Variants in VDR observed in about 807,000 individuals in gnomAD.
The protein encoded by VDR is vitamin D3 receptor.
In VDR, 19 loss-of-function variants were observed where a neutral mutation model predicts 39.7. The ratio of observed to expected loss-of-function variants is 0.48; its 90% confidence interval spans 0.33 to 0.70. The LOEUF (loss-of-function observed/expected upper bound fraction) is 0.70. Among genes scored for constraint, VDR ranks in the 30% least tolerant of loss-of-function variants. The pLI, the probability that VDR is intolerant of heterozygous loss-of-function variation, is 0.02. For synonymous variants in VDR, 242 were observed against 215.8 expected, an observed-to-expected ratio of 1.12 and a Z score of -1.07; for missense variants, 442 against 570.5, an observed-to-expected ratio of 0.77 and a Z score of 2.29.
Position 47,842,621 on chromosome 12 carries a change from CTATTT to C in VDR, c.*2120_*2124del, listed in dbSNP as rs1945192357. ...TACAGGCTTGCGCCACCATGCCCGGCTATTTTTTTTTTTTTTTTTTTTGTATTTTT... is the reference window on the plus strand; with the variant it reads ...TACAGGCTTGCGCCACCATGCCCGGCTTTTTTTTTTTTTTTTTGTATTTTT... On this transcript the variant is annotated 3_prime_UTR_variant, in exon 10 of 10. Transcript: ENST00000549336. 1 of 71,280 alleles carries C rather than the reference CTATTT, an allele frequency of 1.4e-5. No homozygotes were observed. Among genetic ancestry groups the C allele is most frequent in the Non-Finnish European group, 2.8e-5 (1 of 36,142 alleles). 4.4% of individuals were successfully genotyped at this position (71,280 alleles called of 1,614,324 possible).
At chr12:47,849,935 C>T (rs1039600142) in intron 7 of VDR, among the ~76,000 whole-genome samples, 1 of 152,086 alleles carries the variant, frequency 6.6e-6, no homozygotes, top group African/African-American at 2.4e-5. Context: ...ACTGAAACCT[C>T]TGCCTCCCGG....
chr12:47,869,621 T>TG (rs1212626761), intron 3 of VDR, among the ~76,000 whole-genome samples: 1 of 148,308 alleles, frequency 6.7e-6, no homozygotes, highest in Non-Finnish European at 1.5e-5. Flanking sequence ...CTGGGTGCAG[T>TG]GGCGTGAGCA....
Position 47,855,677 on chromosome 12 carries a change from G to A in VDR, c.708C>T (p.Tyr236=). The change falls in exon 7 of 10, where the codon TAC becomes TAT. Residue 236 remains tyrosine, a synonymous_variant. Transcript: ENST00000549336. The part of the protein sequence containing the change: ...MLPHLADLVS[Y]SIQKVIGFAK... ...CAAAGCCAATGACCTTTTGGATGCTGTAACTGACCAGGTCAGCCAGGTGGG... is the reference window on the plus strand; with the variant it reads ...CAAAGCCAATGACCTTTTGGATGCTATAACTGACCAGGTCAGCCAGGTGGG... 6.2e-7 allele frequency: 1 copy of A among 1,614,212 alleles called. No homozygotes were observed.
rs972187899 is a variant in VDR at position 47,855,627 on chromosome 12, T to C, written c.755+3A>G. On this transcript the variant is annotated splice_donor_region_variant and intron_variant, in intron 7 of 9. Coordinates refer to ENST00000549336, the MANE Select transcript of VDR (RefSeq NM_000376.3). ...TTCCCCAGAGATTGCAGAAGTTTCT[T>C]ACCTGAATCCTGGTATCATCTTAGC... The C allele has an allele frequency of 6.2e-7, 1 of 1,614,174 alleles. No individual in the cohort carries two copies. The highest frequency in any genetic ancestry group is 8.5e-7 in the Non-Finnish European group (1 of 1,180,024).
At chr12:47,892,849 G>A (rs1946394978) in intron 1 of VDR, among the ~76,000 whole-genome samples, 1 of 152,232 alleles carries the variant, frequency 6.6e-6, no homozygotes, top group Non-Finnish European at 1.5e-5. Context: ...GAGAAGAGAA[G>A]GCTCTTTGGA....
chr12:47,880,600 G>A (rs1467854078), intron 2 of VDR, among the ~76,000 whole-genome samples: 1 of 152,106 alleles, frequency 6.6e-6, no homozygotes, highest in African/African-American at 2.4e-5. Flanking sequence ...GTCCCAAAGG[G>A]ACAGAGGGAA....
intron 3 of VDR, chr12:47,878,715 T>C: frequency 4.9e-6 from 3 of 614,018 alleles, no homozygotes; most frequent in Middle Eastern, 4.2e-4. Context: ...ACAGGCGTAA[T>C]GGAAAGACAG....
intron 3 of VDR, among the ~76,000 whole-genome samples, chr12:47,875,625 A>C (rs1181033987): frequency 6.6e-6 from 1 of 152,224 alleles, no homozygotes; most frequent in Non-Finnish European, 1.5e-5. Flanking sequence ...GAAGAAGAGG[A>C]GAAATGATGT....
chr12:47,848,981 T>C (rs568548605), intron 7 of VDR, among the ~76,000 whole-genome samples: 2 of 152,298 alleles, frequency 1.3e-5, no homozygotes, highest in African/African-American at 4.8e-5. Context: ...TCAATAGAGA[T>C]GCGTTGATGA....
chr12:47,853,446 TAAA>T (rs60854792), intron 7 of VDR, among the ~76,000 whole-genome samples: 13 of 112,606 alleles, frequency 1.2e-4, no homozygotes, highest in Admixed American at 2.9e-4. Flanking sequence ...CTGCCTCAAT[TAAA>T]AAAAAAAAAA....
intron 3 of VDR, among the ~76,000 whole-genome samples, chr12:47,876,995 G>A (rs1212772978): frequency 6.6e-6 from 1 of 152,246 alleles, no homozygotes; most frequent in Non-Finnish European, 1.5e-5. Context: ...GTTGCAGACT[G>A]ACAAGATATG....
intron 1 of VDR, among the ~76,000 whole-genome samples, chr12:47,892,171 C>T (rs566761600): frequency 4.6e-5 from 7 of 152,320 alleles, no homozygotes; most frequent in African/African-American, 1.7e-4. Flanking sequence ...GGAAGGATCC[C>T]CAGGGTCCTC....
In VDR at chr12:47,845,023, GAGA is replaced by G. The variant is rs752790404; in HGVS notation, c.1025-21_1025-19del. On this transcript the variant is annotated intron_variant, in intron 9 of 9. Coordinates refer to ENST00000549336, the MANE Select transcript of VDR (RefSeq NM_000376.3). ...AGGACGATCTGTGGGCACGGGGATA[GAGA>G]AGAAGGCACAGGAGCTCTCAGCTGG... 3.4e-5 allele frequency: 54 copies of G among 1,609,016 alleles called. No individual in the cohort carries two copies. Among genetic ancestry groups the G allele is most frequent in the Admixed American group, 5.0e-5 (3 of 59,986 alleles).
chr12:47,858,328 C>A (rs1320246998), intron 4 of VDR, among the ~76,000 whole-genome samples: 1 of 152,228 alleles, frequency 6.6e-6, no homozygotes, highest in East Asian at 1.9e-4. Context: ...GCTGTCTCCA[C>A]ATCCAGGTTT....
rs144628070 is a variant in VDR, at chr12:47,857,555, G to A, written c.411C>T (p.Asp137=). ...EQQRIIAILL[D]AHHKTYDPTY... ...TGGGGTCGTAGGTCTTATGGTGGGC[G>A]TCCAGCAGTATGGCAATGATGCGCT... Residue 137 remains aspartate (D), a synonymous_variant, in exon 5 of 10, where the codon GAC becomes GAT. Coordinates refer to ENST00000549336, the MANE Select transcript of VDR (RefSeq NM_000376.3). 31 of 1,614,076 alleles carry A rather than the reference G, an allele frequency of 1.9e-5. No homozygotes were observed. The highest frequency in any genetic ancestry group is 3.3e-4 in the Middle Eastern group (2 of 6,084).
chr12:47,899,504 C>T (rs1204148047), intron 1 of VDR, among the ~76,000 whole-genome samples: 6 of 152,250 alleles, frequency 3.9e-5, no homozygotes, highest in Non-Finnish European at 7.3e-5. Flanking sequence ...AGCTACAAAG[C>T]GACCTCGCCA....
At chr12:47,856,821 G>C (rs768701474) in intron 6 of VDR, among the ~76,000 whole-genome samples, 1 of 152,100 alleles carries the variant, frequency 6.6e-6, no homozygotes. Context: ...TCACGTAAAG[G>C]AAGCAGGTCA....
Position 47,904,968 on chromosome 12 carries a change from C to A in VDR, c.-97G>T, listed in dbSNP as rs1946643674. 2 of 183,488 alleles carry A rather than the reference C, an allele frequency of 1.1e-5. No individual in the cohort carries two copies. The highest frequency in any genetic ancestry group is 2.4e-5 in the African/African-American group (1 of 42,378). 11.4% of individuals were successfully genotyped at this position (183,488 alleles called of 1,614,324 possible). A position where few individuals can be genotyped will look rare whatever the true frequency, so the allele number is the denominator to read the frequency against. ...CCGGGTTCGCACCTGGTCCGGCCGG[C>A]GGGTGGACAAGCTGTTCCGCGCTCC... On this transcript the variant is annotated 5_prime_UTR_variant, in exon 1 of 10. Transcript: ENST00000549336.
chr12:47,847,748 A>G (rs1288175186), intron 7 of VDR, among the ~76,000 whole-genome samples: 1 of 151,582 alleles, frequency 6.6e-6, no homozygotes, highest in African/African-American at 2.4e-5. Context: ...AATTTCTTTT[A>G]TTAGTATTTT....
Sources: allele counts gnomAD v4.1 joint callset (sites outside exome capture counted in the v4.1 genomes callset), GRCh38; gene constraint gnomAD v4.1.1; transcripts MANE v1.5; gene names NCBI Gene and HGNC (gene_info 2026-07-23, HGNC 2026-07-21).